CCDC178: variants seen among roughly 807,000 people sequenced by gnomAD.
The protein encoded by CCDC178 is coiled-coil domain-containing protein 178.
Under a neutral mutation model 117.4 loss-of-function variants are expected in CCDC178, and 126 were observed. The ratio of observed to expected loss-of-function variants is 1.07; its 90% CI spans 0.93 to 1.24. The LOEUF is 1.24. Among genes scored for constraint, CCDC178 ranks in the 50% most tolerant of loss-of-function variants. CCDC178 has a pLI of 0.00. For synonymous variants in CCDC178, 283 were observed against 313.4 expected, an observed-to-expected ratio of 0.90 and a Z score of 1.02; for missense variants, 1,030 against 986.9, an observed-to-expected ratio of 1.04 and a Z score of -0.59.
intron 22 of CCDC178, among the ~76,000 whole-genome samples, chr18:32,961,419 A>G (rs552422133): frequency 1.3e-5 from 2 of 152,166 alleles, no homozygotes; most frequent in Non-Finnish European, 2.9e-5. Context: ...AACCATATTG[A>G]GCTTGGTGTT....
At position 33,397,540 on chromosome 18, in the gene CCDC178, G is replaced by A. The variant is rs1701017759; in HGVS notation, c.59-332C>T. Among the ~76,000 whole-genome samples, 6 of 152,102 alleles carry A rather than the reference G, an allele frequency of 3.9e-5. No homozygotes were observed. The South Asian group carries it at 1.2e-3, about 32-fold the overall frequency. Reference sequence around the variant, plus strand: ...TAGTGTTCAAGAGAACTTAAATGAAGGTTTAATCTAATTTCCAAAGTTATA... The same window carrying A: ...TAGTGTTCAAGAGAACTTAAATGAAAGTTTAATCTAATTTCCAAAGTTATA... On this transcript the variant is annotated intron_variant, in intron 3 of 22. Transcript: ENST00000383096.
intron 22 of CCDC178, among the ~76,000 whole-genome samples, chr18:32,968,342 G>C (rs2054858672): frequency 1.3e-5 from 2 of 151,862 alleles, no homozygotes; most frequent in Non-Finnish European, 2.9e-5. Context: ...CTTTTTTTAT[G>C]GCTGAATGGT....
chr18:33,173,989 C>T (rs1267696423), intron 20 of CCDC178, among the ~76,000 whole-genome samples: 2 of 152,116 alleles, frequency 1.3e-5, no homozygotes, highest in Non-Finnish European at 2.9e-5. Context: ...TCTTGCACTG[C>T]TATAAAGAAA....
intron 21 of CCDC178, among the ~76,000 whole-genome samples, chr18:33,033,911 C>A (rs1440326537): frequency 6.6e-6 from 1 of 151,256 alleles, no homozygotes; most frequent in Non-Finnish European, 1.5e-5. Flanking sequence ...TCGACAGAAC[C>A]CAAGACAATA....
chr18:33,326,143 G>C (rs2062581406), intron 10 of CCDC178, among the ~76,000 whole-genome samples: 1 of 152,202 alleles, frequency 6.6e-6, no homozygotes, highest in African/African-American at 2.4e-5. Flanking sequence ...GCTGGGGACA[G>C]GTTAGCAGCA....
chr18:33,198,316 TTAAACAAATAGAAA>T (rs1374991207), intron 20 of CCDC178, among the ~76,000 whole-genome samples: 1 of 152,150 alleles, frequency 6.6e-6, no homozygotes, highest in Non-Finnish European at 1.5e-5. Flanking sequence ...CCTAAAAGGC[TTAAACAAATAGAAA>T]TGAACTAGAA....
intron 20 of CCDC178, among the ~76,000 whole-genome samples, chr18:33,182,596 G>C (rs1049707009): frequency 6.6e-6 from 1 of 151,870 alleles, no homozygotes; most frequent in African/African-American, 2.4e-5. Flanking sequence ...TTTTCATCAA[G>C]TGCTAATAGA....
chr18:33,303,628 C>G (rs760167762), intron 11 of CCDC178, among the ~76,000 whole-genome samples: 12 of 151,354 alleles, frequency 7.9e-5, no homozygotes, highest in Non-Finnish European at 1.6e-4. Context: ...AACTTTCCAC[C>G]CAATTTTGCT....
chr18:32,963,495 CTTCAT>C (rs2054748341), intron 22 of CCDC178, among the ~76,000 whole-genome samples: 2 of 151,976 alleles, frequency 1.3e-5, no homozygotes, highest in South Asian at 4.2e-4. Context: ...ATATCTCCCT[CTTCAT>C]TTCATCTCTG....
At chr18:33,206,833 T>C (rs894641273) in intron 20 of CCDC178, among the ~76,000 whole-genome samples, 1 of 152,222 alleles carries the variant, frequency 6.6e-6, no homozygotes, top group Non-Finnish European at 1.5e-5. Context: ...AATGTCTTCC[T>C]CCAAGGTAAA....
intron 22 of CCDC178, chr18:32,958,347 T>A (rs761614506): frequency 2.8e-6 from 1 of 352,136 alleles, no homozygotes; most frequent in Non-Finnish European, 5.2e-6. Flanking sequence ...TTTCCTTATA[T>A]ACTTCTGGGA....
At chr18:33,059,928 A>T (rs1480025056) in intron 21 of CCDC178, among the ~76,000 whole-genome samples, 2 of 152,122 alleles carry the variant, frequency 1.3e-5, no homozygotes, top group Non-Finnish European at 2.9e-5. Flanking sequence ...GCTTTATGTA[A>T]GTCTCCATGT....
intron 10 of CCDC178, among the ~76,000 whole-genome samples, chr18:33,332,337 A>C (rs1568153701): frequency 6.6e-6 from 1 of 152,152 alleles, no homozygotes; most frequent in Non-Finnish European, 1.5e-5. Flanking sequence ...TTTACTTTAA[A>C]ATGTTCAAAA....
chr18:33,431,097 A>T (rs573128665), intron 2 of CCDC178, among the ~76,000 whole-genome samples: 3 of 150,180 alleles, frequency 2.0e-5, no homozygotes, highest in South Asian at 4.2e-4. Flanking sequence ...AAAAAAGAAC[A>T]TCAGCAACAA....
At chr18:32,960,634 A>G (rs2144657446) in intron 22 of CCDC178, among the ~76,000 whole-genome samples, 1 of 152,166 alleles carries the variant, frequency 6.6e-6, no homozygotes, top group South Asian at 2.1e-4. Flanking sequence ...ACCCACAGAA[A>G]TCTGGTCTTG....
intron 19 of CCDC178, among the ~76,000 whole-genome samples, chr18:33,214,668 T>C (rs762206846): frequency 1.3e-5 from 2 of 152,040 alleles, no homozygotes; most frequent in Middle Eastern, 3.2e-3. Context: ...TCACATAATA[T>C]AGTGAATATG....
chr18:33,321,935 AGATT>A (rs771860247), intron 11 of CCDC178, among the ~76,000 whole-genome samples: 3 of 151,942 alleles, frequency 2.0e-5, no homozygotes, highest in Non-Finnish European at 4.4e-5. Context: ...TAAATTATTG[AGATT>A]AATTAAAATT....
At chr18:33,106,542 T>A (rs1395452346) in intron 20 of CCDC178, among the ~76,000 whole-genome samples, 2 of 151,700 alleles carry the variant, frequency 1.3e-5, no homozygotes, top group African/African-American at 4.8e-5. Context: ...ATGGACACTA[T>A]CTGCAGTTCA....
chr18:33,227,368 T>A (rs1251592233), intron 15 of CCDC178, among the ~76,000 whole-genome samples: 1 of 151,402 alleles, frequency 6.6e-6, no homozygotes, highest in African/African-American at 2.4e-5. Flanking sequence ...CCTGGAAAAA[T>A]TGTTGTAAAT....
Sources: gnomAD v4.1 joint callset for allele counts (sites outside exome capture counted in the v4.1 genomes callset) on GRCh38, gnomAD v4.1.1 for gene constraint, MANE v1.5 for transcripts, NCBI Gene and HGNC (gene_info 2026-07-23, HGNC 2026-07-21) for gene names.